PPP2R3A: variants seen among roughly 807,000 people sequenced by gnomAD.
The protein encoded by PPP2R3A is protein phosphatase 2 regulatory subunit B''alpha.
A neutral mutation model predicts 106.9 loss-of-function variants in PPP2R3A; 80 were observed. The observed-to-expected ratio is 0.75, with a 90% CI of 0.62 to 0.90. The LOEUF (loss-of-function observed/expected upper bound fraction) is 0.90. Ranked by LOEUF, PPP2R3A falls within the 40% of genes least tolerant of loss-of-function variation. PPP2R3A has a pLI of 0.00. For synonymous variants in PPP2R3A, 483 were observed against 468.3 expected (o/e 1.03, Z -0.41); for missense variants, 1,386 against 1,350.4 (o/e 1.03, Z -0.41).
At chr3:136,113,026 G>A (rs368619050) in intron 13 of PPP2R3A, among the ~76,000 whole-genome samples, 5 of 151,980 alleles carry the variant, frequency 3.3e-5, no homozygotes, top group East Asian at 1.9e-4. Context: ...CCAGCTACTC[G>A]GGAGGCTGAG....
intron 13 of PPP2R3A, among the ~76,000 whole-genome samples, chr3:136,143,653 G>A (rs1938970938): frequency 6.6e-6 from 1 of 151,466 alleles, no homozygotes; most frequent in South Asian, 2.1e-4. Flanking sequence ...ACCCGGGCAT[G>A]GTGGCACATG....
chr3:136,106,061 T>C (rs948861477), intron 12 of PPP2R3A, among the ~76,000 whole-genome samples, 155 bp from the exon 13 acceptor site: 2 of 152,256 alleles, frequency 1.3e-5, no homozygotes, highest in Non-Finnish European at 2.9e-5. Flanking sequence ...GAAAATTACC[T>C]TAGGAGTTTT....
intron 8 of PPP2R3A, among the ~76,000 whole-genome samples, chr3:136,085,642 T>C (rs571045236): frequency 1.9e-4 from 29 of 152,348 alleles, no homozygotes; most frequent in African/African-American, 7.0e-4. Flanking sequence ...AGATTGTCCC[T>C]GTTCTGTCCT....
At chr3:135,995,632 C>T (rs995291103) in intron 1 of PPP2R3A, among the ~76,000 whole-genome samples, 1 of 151,752 alleles carries the variant, frequency 6.6e-6, no homozygotes, top group Non-Finnish European at 1.5e-5. Context: ...ACCACCATGC[C>T]CAGCTAATTT....
At chr3:136,055,086 C>T (rs1169467394) in intron 5 of PPP2R3A, 5 of 429,664 alleles carry the variant, frequency 1.2e-5, no homozygotes, top group Admixed American at 1.1e-4. Flanking sequence ...AGTATATTTC[C>T]TTAACTTCAA....
intron 10 of PPP2R3A, 136 bp downstream of exon 10, chr3:136,090,803 C>A: frequency 1.6e-6 from 1 of 629,620 alleles, no homozygotes; most frequent in Non-Finnish European, 2.8e-6. Context: ...TTTCTGCCGT[C>A]TCGGAGCTCT....
chr3:136,136,873 C>A (rs1938642626), intron 13 of PPP2R3A, among the ~76,000 whole-genome samples: 1 of 152,138 alleles, frequency 6.6e-6, no homozygotes, highest in Non-Finnish European at 1.5e-5. Flanking sequence ...CAGTAAGTAA[C>A]CTCGTAATCA....
Position 136,002,337 on chromosome 3 carries a change from AT to A in PPP2R3A, c.840del (p.Asn280LysfsTer2), listed in dbSNP as rs1393102059. The A allele has an allele frequency of 6.2e-7, 1 of 1,613,750 alleles. No individual in the cohort carries two copies. Among genetic ancestry groups the A allele is most frequent in the South Asian group, 1.1e-5 (1 of 91,044 alleles). ...TCTAGCTCTGAAACTGTCTATATGA[AT>A]GTAATGACCAGGTTAGCATCCTATC... ...TISSSETVYM[N>X]VMTRLASYLK... On this transcript the variant is annotated frameshift_variant, in exon 2 of 14. Transcript: ENST00000264977. LOFTEE classifies it high-confidence loss of function.
intron 5 of PPP2R3A, among the ~76,000 whole-genome samples, chr3:136,058,893 A>C (rs1389621730): frequency 6.6e-6 from 1 of 152,238 alleles, no homozygotes; most frequent in Non-Finnish European, 1.5e-5. Flanking sequence ...GCAATTGGGA[A>C]AGGATTCCCT....
chr3:136,071,190 A>G (rs970260857), intron 6 of PPP2R3A, among the ~76,000 whole-genome samples: 2 of 152,206 alleles, frequency 1.3e-5, no homozygotes, highest in Non-Finnish European at 2.9e-5. Context: ...CCCCAGGGCC[A>G]TTCACCAGAC....
intron 5 of PPP2R3A, among the ~76,000 whole-genome samples, chr3:136,058,108 G>A (rs1418031108): frequency 2.6e-5 from 4 of 152,062 alleles, no homozygotes; most frequent in Admixed American, 2.0e-4. Context: ...AACATACCTC[G>A]AAATCATAAG....
At chr3:136,087,732 T>G in intron 8 of PPP2R3A, 151 bp from the exon 9 acceptor site, 1 of 524,700 alleles carries the variant, frequency 1.9e-6, no homozygotes, top group Non-Finnish European at 3.4e-6. Context: ...TATATTAAAA[T>G]TATGCGTAAA....
chr3:136,012,861 T>C (rs144796364), intron 2 of PPP2R3A, among the ~76,000 whole-genome samples: 4,837 of 152,264 alleles, frequency 0.032, 266 homozygotes, highest in African/African-American at 0.11. Flanking sequence ...ATAAGTTCTT[T>C]AGTGGTGATT....
intron 10 of PPP2R3A, among the ~76,000 whole-genome samples, chr3:136,095,994 C>T (rs1279656654): frequency 6.6e-6 from 1 of 152,144 alleles, no homozygotes; most frequent in Non-Finnish European, 1.5e-5. Context: ...TCTAGCCAGC[C>T]TTAAATATGC....
chr3:136,095,788 T>A (rs142001427), intron 10 of PPP2R3A, among the ~76,000 whole-genome samples: 2 of 152,318 alleles, frequency 1.3e-5, no homozygotes, highest in Non-Finnish European at 2.9e-5. Flanking sequence ...GTACCCTGCA[T>A]GTTATTCTCA....
intron 3 of PPP2R3A, among the ~76,000 whole-genome samples, chr3:136,035,699 G>T (rs1332295472): frequency 6.6e-6 from 1 of 152,156 alleles, no homozygotes; most frequent in Non-Finnish European, 1.5e-5. Flanking sequence ...ATGAGAGTGT[G>T]CCTAGGCAGT....
chr3:136,096,080 C>A (rs1937208796), intron 10 of PPP2R3A, among the ~76,000 whole-genome samples: 1 of 152,080 alleles, frequency 6.6e-6, no homozygotes, highest in South Asian at 2.1e-4. Flanking sequence ...TATTGAGTAT[C>A]TCATATAATT....
intron 1 of PPP2R3A, among the ~76,000 whole-genome samples, chr3:135,994,178 T>C (rs142333995): frequency 5.1e-4 from 77 of 152,356 alleles, no homozygotes; most frequent in African/African-American, 1.8e-3. Context: ...CACTGTAAGA[T>C]GATCATGTAG....
At chr3:135,978,994 ATAT>A (rs1305259509) in intron 1 of PPP2R3A, among the ~76,000 whole-genome samples, 1 of 151,926 alleles carries the variant, frequency 6.6e-6, no homozygotes, top group Admixed American at 6.5e-5. Context: ...TTAAGATAAA[ATAT>A]TTTTACCTGA....
Sources: allele counts gnomAD v4.1 joint callset (sites outside exome capture counted in the v4.1 genomes callset), GRCh38; gene constraint gnomAD v4.1.1; transcripts MANE v1.5; gene names NCBI Gene and HGNC (gene_info 2026-07-23, HGNC 2026-07-21).